FAM135B: variants seen among roughly 807,000 people sequenced by gnomAD.
The protein encoded by FAM135B is protein FAM135B.
In FAM135B, 43 loss-of-function variants were observed where a neutral mutation model predicts 127.7. That is an observed-to-expected ratio of 0.34 (90% confidence interval 0.26 to 0.43). The LOEUF (loss-of-function observed/expected upper bound fraction) is 0.43, where lower values mean the gene tolerates loss of function less well. Among genes scored for constraint, FAM135B ranks in the 20% least tolerant of loss-of-function variants. The pLI is 1.00. For missense variants in FAM135B, 1,558 were observed against 1,725.6 expected (o/e 0.90, Z 1.72); for synonymous variants, 670 against 665.1 (o/e 1.01, Z -0.11).
At chr8:138,409,879 CAAAAA>C (rs10543075) in intron 1 of FAM135B, among the ~76,000 whole-genome samples, 46 of 78,412 alleles carry the variant, frequency 5.9e-4, no homozygotes, top group Admixed American at 1.1e-3. Flanking sequence ...GACTCCGTCT[CAAAAA>C]AAAAAAAAAA....
At chr8:138,278,192 T>G (rs569017752) in intron 3 of FAM135B, among the ~76,000 whole-genome samples, 271 of 151,824 alleles carry the variant, frequency 1.8e-3, no homozygotes, top group Non-Finnish European at 2.7e-3. Context: ...CAAAAATTGC[T>G]GCCGAGGATG....
chr8:138,274,763 C>T (rs939500717), intron 3 of FAM135B, among the ~76,000 whole-genome samples: 16 of 152,092 alleles, frequency 1.1e-4, no homozygotes, highest in Non-Finnish European at 1.2e-4. Context: ...AAGAATTCAG[C>T]AATATTTCTC....
intron 1 of FAM135B, among the ~76,000 whole-genome samples, chr8:138,388,441 T>C (rs183266177): frequency 6.6e-6 from 1 of 152,206 alleles, no homozygotes; most frequent in East Asian, 1.9e-4. Flanking sequence ...AACCTGCAAA[T>C]AGATGTTTAC....
intron 5 of FAM135B, among the ~76,000 whole-genome samples, chr8:138,255,989 G>A (rs1210754806): frequency 6.6e-6 from 1 of 152,152 alleles, no homozygotes; most frequent in African/African-American, 2.4e-5. Context: ...AGGGAAGCCT[G>A]GATCTGGAGG....
chr8:138,232,717 AC>A (rs1819993337), intron 7 of FAM135B, among the ~76,000 whole-genome samples: 1 of 152,192 alleles, frequency 6.6e-6, no homozygotes, highest in Admixed American at 6.5e-5. Context: ...TAACTATAAA[AC>A]TTTTTTCTTT....
chr8:138,145,573 C>T (rs1410416608), intron 15 of FAM135B, among the ~76,000 whole-genome samples: 2 of 152,142 alleles, frequency 1.3e-5, no homozygotes, highest in Non-Finnish European at 2.9e-5. Context: ...CTTCTCTCTC[C>T]GTCAACATCT....
chr8:138,267,928 C>A (rs1004517458), intron 3 of FAM135B, among the ~76,000 whole-genome samples: 3 of 152,146 alleles, frequency 2.0e-5, no homozygotes, highest in African/African-American at 7.2e-5. Flanking sequence ...TTTTTACTTG[C>A]TACACTAGCT....
At chr8:138,310,770 G>A in intron 3 of FAM135B, 71 bp downstream of exon 3, 2 of 1,378,072 alleles carry the variant, frequency 1.5e-6, no homozygotes, top group Non-Finnish European at 2.1e-6. Flanking sequence ...ACTCTGCTGT[G>A]CCCTGGCGAG....
At chr8:138,133,074 A>T (rs1816334632) in intron 19 of FAM135B, among the ~76,000 whole-genome samples, 1 of 152,208 alleles carries the variant, frequency 6.6e-6, no homozygotes, top group African/African-American at 2.4e-5. Flanking sequence ...CGTGTTTCTC[A>T]ATAATAGCTG....
At chr8:138,323,381 C>T (rs1212466772) in intron 2 of FAM135B, among the ~76,000 whole-genome samples, 1 of 152,184 alleles carries the variant, frequency 6.6e-6, no homozygotes, top group Non-Finnish European at 1.5e-5. Flanking sequence ...CCTCATGACC[C>T]CCTCTTGGCT....
chr8:138,327,959 G>A (rs1166360980), intron 2 of FAM135B, among the ~76,000 whole-genome samples: 2 of 151,988 alleles, frequency 1.3e-5, no homozygotes, highest in Non-Finnish European at 2.9e-5. Context: ...AGAGTACAAA[G>A]CCAATAAAAA....
rs185213783 is a variant in FAM135B, at chr8:138,296,669, G to C, written c.157+14172C>G. Among the ~76,000 whole-genome samples the C allele has an allele frequency of 2.6e-5, 4 of 152,218 alleles. No individual in the cohort carries two copies. The East Asian group carries it at 7.7e-4, about 29-fold the overall frequency. On this transcript the variant is annotated intron_variant, in intron 3 of 19. Coordinates refer to ENST00000395297, the MANE Select transcript of FAM135B (RefSeq NM_015912.4). ...TATTTTTCTGACAGCATAAGATAGA[G>C]TATATCTAACATCTACAAGCATCAC... is the stretch of plus-strand genomic sequence containing the variant.
At chr8:138,394,276 G>A (rs958704875) in intron 1 of FAM135B, among the ~76,000 whole-genome samples, 12 of 152,186 alleles carry the variant, frequency 7.9e-5, no homozygotes, top group Non-Finnish European at 1.6e-4. Flanking sequence ...CTCCTGAGCT[G>A]AGGCTGGATA....
At chr8:138,322,818 T>C (rs1827537559) in intron 2 of FAM135B, among the ~76,000 whole-genome samples, 1 of 152,052 alleles carries the variant, frequency 6.6e-6, no homozygotes, top group African/African-American at 2.4e-5. Flanking sequence ...CAGCCTCACA[T>C]AGCTAGCCCC....
intron 1 of FAM135B, among the ~76,000 whole-genome samples, chr8:138,407,020 C>A (rs1417336071): frequency 6.7e-6 from 1 of 150,372 alleles, no homozygotes; most frequent in Non-Finnish European, 1.5e-5. Flanking sequence ...AATGTCTCAG[C>A]CCAAAATCTC....
intron 3 of FAM135B, among the ~76,000 whole-genome samples, chr8:138,294,184 T>C (rs1408972280): frequency 6.6e-6 from 1 of 152,106 alleles, no homozygotes; most frequent in African/African-American, 2.4e-5. Context: ...AAGTGGGAGC[T>C]AGACTGTGGG....
At chr8:138,497,449 G>A (rs1418848588), upstream of FAM135B, among the ~76,000 whole-genome samples, 3 of 152,028 alleles carry the variant, frequency 2.0e-5, no homozygotes, top group South Asian at 2.1e-4. Context: ...CAGTCCCCGC[G>A]GCGGGGCTCC....
rs559574775 is a variant in FAM135B, at chr8:138,444,121, C to A, written c.-20+52550G>T. 7.2e-5 allele frequency among the ~76,000 whole-genome samples: 11 copies of A among 152,230 alleles called. No individual in the cohort carries two copies. The East Asian group carries it at 2.1e-3, about 29-fold the overall frequency. ...GCTAACCATCTTAAATACATATGCACCCAATACAGGAGCACCCAGATTCAT... is the reference window on the plus strand; with the variant it reads ...GCTAACCATCTTAAATACATATGCAACCAATACAGGAGCACCCAGATTCAT... On this transcript the variant is annotated intron_variant, in intron 1 of 19. Coordinates refer to ENST00000395297, the MANE Select transcript of FAM135B (RefSeq NM_015912.4).
rs1820928289 is a variant in FAM135B at position 138,242,775 on chromosome 8, A to G, written c.669+167T>C. ...GCTTGGCCTTAGAAATATGTCTGATAGAGCTTGTAGTGATAAAAACAAGGG... is the reference window on the plus strand; with the variant it reads ...GCTTGGCCTTAGAAATATGTCTGATGGAGCTTGTAGTGATAAAAACAAGGG... On this transcript the variant is annotated intron_variant, in intron 7 of 19. Transcript: ENST00000395297. The surrounding 1 kb of genome is among the most constrained non-coding windows in gnomAD (Gnocchi z 9.6). Among the ~76,000 whole-genome samples, 1 of 152,198 alleles carries G rather than the reference A, an allele frequency of 6.6e-6. No individual in the cohort carries two copies. Among genetic ancestry groups the G allele is most frequent in the Non-Finnish European group, 1.5e-5 (1 of 68,038 alleles).
Sources: gnomAD v4.1 joint callset for allele counts (sites outside exome capture counted in the v4.1 genomes callset) on GRCh38, gnomAD v4.1.1 for gene constraint, Gnocchi (gnomAD v3.1) non-coding constraint, MANE v1.5 for transcripts, NCBI Gene and HGNC (gene_info 2026-07-23, HGNC 2026-07-21) for gene names.